Variants in PCDH15 observed in about 807,000 individuals in gnomAD.
The protein encoded by PCDH15 is protocadherin-15.
Under a neutral mutation model 178.5 loss-of-function variants are expected in PCDH15, and 129 were observed. The ratio of observed to expected loss-of-function variants is 0.72; its 90% CI spans 0.63 to 0.84. PCDH15 has a LOEUF of 0.84. Ranked by LOEUF, PCDH15 falls within the 40% of genes least tolerant of loss-of-function variation. PCDH15 has a pLI of 0.00. For synonymous variants in PCDH15, 800 were observed against 732.0 expected (o/e 1.09, Z -1.50); for missense variants, 2,230 against 2,099.9 (o/e 1.06, Z -1.21).
chr10:54,894,068 C>T (rs1052565282), intron 3 of PCDH15, among the ~76,000 whole-genome samples: 1 of 152,082 alleles, frequency 6.6e-6, no homozygotes, highest in Non-Finnish European at 1.5e-5. Context: ...TAAGCAGGTA[C>T]ATATGACATG....
intron 2 of PCDH15, among the ~76,000 whole-genome samples, chr10:55,107,744 C>A (rs958766678): frequency 1.3e-5 from 2 of 151,756 alleles, no homozygotes; most frequent in Admixed American, 6.6e-5. Context: ...ACCCCCACCC[C>A]CCTCAGCCTC....
intron 18 of PCDH15, among the ~76,000 whole-genome samples, chr10:54,063,215 G>A (rs752895590): frequency 3.9e-5 from 6 of 152,098 alleles, no homozygotes; most frequent in African/African-American, 7.2e-5. Context: ...TGGCTCCCCC[G>A]TCACCTTCTA....
At chr10:54,628,175 C>T (rs1027850430) in intron 2 of PCDH15, among the ~76,000 whole-genome samples, 7 of 152,000 alleles carry the variant, frequency 4.6e-5, no homozygotes, top group African/African-American at 1.7e-4. Flanking sequence ...TGTAGAAGTC[C>T]CAAGAAACTG....
chr10:53,981,783 C>T (rs1184380009), intron 21 of PCDH15, among the ~76,000 whole-genome samples: 1 of 151,208 alleles, frequency 6.6e-6, no homozygotes, highest in East Asian at 1.9e-4. Flanking sequence ...TCTAAAACAC[C>T]AAAAGCAATG....
intron 18 of PCDH15, among the ~76,000 whole-genome samples, chr10:54,046,269 C>T (rs1184649459): frequency 6.6e-6 from 1 of 152,114 alleles, no homozygotes; most frequent in Non-Finnish European, 1.5e-5. Context: ...GCATTTCCAA[C>T]AAAATTGAAT....
rs568122822 is a variant in PCDH15, at chr10:55,156,692, A to T, written c.-80+9884T>A. The stretch of plus-strand genomic sequence containing the variant: ...TCAGTAGTTGCAATCTCTAGAGATC[A>T]CTGTGATTATGGGTAAGATGATAAT... On this transcript the variant is annotated intron_variant, in intron 2 of 5. Transcript: ENST00000458638. 1.9e-4 allele frequency among the ~76,000 whole-genome samples: 29 copies of T among 152,218 alleles called. No individual in the cohort carries two copies. In the South Asian group the frequency reaches 5.2e-3, roughly 27 times the overall value.
chr10:54,295,622 G>A (rs72799061), intron 8 of PCDH15, among the ~76,000 whole-genome samples: 9,794 of 152,166 alleles, frequency 0.064, 412 homozygotes, highest in African/African-American at 0.12. Context: ...AAGAAACTCC[G>A]GACATACCAT....
At chr10:54,703,975 T>G (rs182731106) in intron 1 of PCDH15, among the ~76,000 whole-genome samples, 1 of 152,156 alleles carries the variant, frequency 6.6e-6, no homozygotes, top group African/African-American at 2.4e-5. Flanking sequence ...CATCTGCTCT[T>G]AGACAAAATT....
intron 21 of PCDH15, among the ~76,000 whole-genome samples, chr10:53,992,684 T>G (rs1042354731): frequency 2.0e-5 from 3 of 152,202 alleles, no homozygotes; most frequent in African/African-American, 7.2e-5. Flanking sequence ...AATTTGGGAA[T>G]GAAACGTCTC....
At chr10:53,827,286 T>C (rs1464903101) in intron 32 of PCDH15, 107 bp downstream of exon 32, 5 of 1,335,984 alleles carry the variant, frequency 3.7e-6, no homozygotes, top group African/African-American at 2.9e-5. Context: ...TAGAATAAAA[T>C]AAATAGTCCA....
intron 2 of PCDH15, among the ~76,000 whole-genome samples, chr10:55,429,423 T>C (rs1838830273): frequency 6.6e-6 from 1 of 152,158 alleles, no homozygotes; most frequent in Non-Finnish European, 1.5e-5. Flanking sequence ...TTTTCCTCTT[T>C]CACTGTTTCT....
chr10:54,633,716 G>A (rs1168097909), intron 2 of PCDH15, among the ~76,000 whole-genome samples: 2 of 152,062 alleles, frequency 1.3e-5, no homozygotes, highest in Admixed American at 6.6e-5. Flanking sequence ...GGGAGTCTTC[G>A]TAATCTCCAA....
intron 15 of PCDH15, among the ~76,000 whole-genome samples, chr10:54,098,017 T>C (rs1377662173): frequency 6.6e-6 from 1 of 152,182 alleles, no homozygotes; most frequent in East Asian, 1.9e-4. Context: ...AGCCTAACTT[T>C]AATATACTGA....
chr10:54,215,912 G>C (rs1025788606), intron 9 of PCDH15, among the ~76,000 whole-genome samples: 1 of 151,608 alleles, frequency 6.6e-6, no homozygotes, highest in Non-Finnish European at 1.5e-5. Context: ...GCCTGGTGGC[G>C]GGCGCCTGTA....
rs562731025 is a variant in PCDH15 at position 54,462,512 on chromosome 10, C to CTTTTTTTTTTTT, written c.157+65288_157+65299dup. Among the ~76,000 whole-genome samples the CTTTTTTTTTTTT allele has an allele frequency of 6.9e-4, 46 of 66,886 alleles. 1 individual carries two copies. The highest frequency in any genetic ancestry group is 8.1e-4 in the African/African-American group (11 of 13,540). 43.9% of individuals were successfully genotyped at this position (66,886 alleles called of 152,430 possible). A position where few individuals can be genotyped will look rare whatever the true frequency, so the allele number is the denominator to read the frequency against. ...TTTCTTTTCTTTTTCTTTTTCTTTT[C>CTTTTTTTTTTTT]TTTTTTTTTTTTTTTTTTTTGAGAT... is the stretch of plus-strand genomic sequence containing the variant. On this transcript the variant is annotated intron_variant, in intron 3 of 37. Coordinates refer to ENST00000644397, the MANE Select transcript of PCDH15 (RefSeq NM_001384140.1).
intron 3 of PCDH15, among the ~76,000 whole-genome samples, chr10:54,896,036 G>T (rs1954539279): frequency 6.6e-6 from 1 of 151,924 alleles, no homozygotes; most frequent in East Asian, 1.9e-4. Context: ...AGAGGTGCGT[G>T]TCACCACAGC....
At chr10:55,533,041 A>G (rs1841488276) in intron 2 of PCDH15, among the ~76,000 whole-genome samples, 1 of 135,340 alleles carries the variant, frequency 7.4e-6, no homozygotes, top group Non-Finnish European at 1.5e-5. Context: ...TCAAATGAAC[A>G]CTTGTCAAAG....
intron 3 of PCDH15, among the ~76,000 whole-genome samples, chr10:54,442,338 A>G (rs1445065508): frequency 1.4e-5 from 2 of 142,382 alleles, no homozygotes; most frequent in Non-Finnish European, 3.1e-5. Flanking sequence ...TGTTGGTTAT[A>G]CAACGGGTAG....
chr10:54,479,165 T>C (rs150942385), intron 3 of PCDH15, among the ~76,000 whole-genome samples: 11 of 152,160 alleles, frequency 7.2e-5, no homozygotes, highest in Admixed American at 4.6e-4. Flanking sequence ...TCTATATTAA[T>C]ATAGTTCTCC....
Sources: allele counts gnomAD v4.1 joint callset (sites outside exome capture counted in the v4.1 genomes callset), GRCh38; gene constraint gnomAD v4.1.1; transcripts MANE v1.5; gene names NCBI Gene and HGNC (gene_info 2026-07-23, HGNC 2026-07-21).